The following FOXP1 variants were observed in gnomAD, a reference collection of about 807,000 sequenced individuals.
FOXP1 encodes the protein forkhead box protein P1.
FOXP1 carries 15 observed loss-of-function variants against 98.2 expected under a neutral mutation model. The ratio of observed to expected loss-of-function variants is 0.15; its 90% confidence interval spans 0.10 to 0.24. FOXP1 has a LOEUF of 0.24. Ranked by LOEUF, FOXP1 falls within the 10% of genes least tolerant of loss-of-function variation. FOXP1 has a pLI of 1.00. For missense variants in FOXP1, 633 were observed against 848.5 expected (o/e 0.75, Z 3.15); for synonymous variants, 371 against 314.5 (o/e 1.18, Z -1.90).
At chr3:71,126,337 A>C (rs1464562710) in intron 6 of FOXP1, among the ~76,000 whole-genome samples, 2 of 150,956 alleles carry the variant, frequency 1.3e-5, no homozygotes, top group Non-Finnish European at 3.0e-5. Context: ...ACAAAAAAAA[A>C]AATTAGCCAG....
chr3:71,229,006 T>C (rs1029747927), intron 5 of FOXP1, among the ~76,000 whole-genome samples: 1 of 151,848 alleles, frequency 6.6e-6, no homozygotes, highest in Non-Finnish European at 1.5e-5. Context: ...TAAAGGTTAT[T>C]GGTTTAATGA....
intron 6 of FOXP1, among the ~76,000 whole-genome samples, chr3:71,138,431 T>C (rs539143406): frequency 6.6e-6 from 1 of 152,266 alleles, no homozygotes; most frequent in East Asian, 1.9e-4. Context: ...GATACATGAA[T>C]TAGTTTTTAA....
chr3:71,103,488 G>A (rs2057153943), intron 7 of FOXP1, among the ~76,000 whole-genome samples: 5 of 152,182 alleles, frequency 3.3e-5, no homozygotes, highest in Admixed American at 3.3e-4. Context: ...TGGTCAGCTG[G>A]CTTTCCTGAC....
intron 7 of FOXP1, among the ~76,000 whole-genome samples, chr3:71,090,917 C>A (rs1236436881): frequency 6.6e-6 from 1 of 152,132 alleles, no homozygotes; most frequent in African/African-American, 2.4e-5. Context: ...ACAACTGCCA[C>A]TCTCTGCCCA....
chr3:71,460,369 A>C (rs917202017), intron 3 of FOXP1, among the ~76,000 whole-genome samples: 1 of 151,912 alleles, frequency 6.6e-6, no homozygotes, highest in Non-Finnish European at 1.5e-5. Context: ...CCTCTCGAGT[A>C]GCTGGTGACA....
intron 12 of FOXP1, among the ~76,000 whole-genome samples, chr3:71,003,350 C>T (rs1197436111): frequency 1.3e-5 from 2 of 152,066 alleles, no homozygotes; most frequent in African/African-American, 2.4e-5. Flanking sequence ...TGGATTAACA[C>T]ATATGGTGAT....
chr3:71,020,743 C>G (rs186493176), intron 11 of FOXP1, among the ~76,000 whole-genome samples: 97 of 152,298 alleles, frequency 6.4e-4, no homozygotes, highest in African/African-American at 2.1e-3. Context: ...TGCACTGACC[C>G]AAGTTCTCAT....
chr3:71,548,086 T>A (rs2045501689), intron 2 of FOXP1, among the ~76,000 whole-genome samples: 1 of 152,186 alleles, frequency 6.6e-6, no homozygotes, highest in African/African-American at 2.4e-5. Flanking sequence ...TGGGGCCTCA[T>A]TCTTTGTCTC....
In FOXP1 at chr3:71,414,279, C is replaced by T. The variant is rs144457941; in HGVS notation, c.-167-55035G>A. Among the ~76,000 whole-genome samples, 79 of 152,298 alleles carry T rather than the reference C, an allele frequency of 5.2e-4. No homozygotes were observed. The East Asian group carries it at 0.014, about 27-fold the overall frequency. On this transcript the variant is annotated intron_variant, in intron 3 of 20. Coordinates refer to ENST00000649528, the MANE Select transcript of FOXP1 (RefSeq NM_001349338.3). ...TGGCCAGCCGTCATAAAGAATCCAC[C>T]GCATCAGGTTCCCAGTGCAACAAGG... is the stretch of plus-strand genomic sequence containing the variant.
chr3:71,260,663 C>CTTCCAAGTA (rs2069051725), intron 5 of FOXP1, among the ~76,000 whole-genome samples: 1 of 151,942 alleles, frequency 6.6e-6, no homozygotes, highest in Non-Finnish European at 1.5e-5. Flanking sequence ...CTGCCCCAGC[C>CTTCCAAGTA]TTCCAAGTAG....
intron 5 of FOXP1, among the ~76,000 whole-genome samples, chr3:71,223,648 T>C (rs1362922757): frequency 6.8e-6 from 1 of 147,274 alleles, no homozygotes; most frequent in Admixed American, 6.9e-5. Flanking sequence ...TGAGTAGAGA[T>C]TGCACCACCG....
intron 6 of FOXP1, among the ~76,000 whole-genome samples, chr3:71,138,003 A>T (rs1013072233): frequency 2.0e-5 from 3 of 152,072 alleles, no homozygotes. Context: ...AGATATATTT[A>T]TCTTTTCACA....
chr3:71,487,864 C>T (rs572317290), intron 3 of FOXP1, among the ~76,000 whole-genome samples: 342 of 152,262 alleles, frequency 2.2e-3, no homozygotes, highest in African/African-American at 8.0e-3. Flanking sequence ...AAAGTTGGAT[C>T]ATATTCTCAT....
At chr3:71,027,710 CAT>C (rs960082255) in intron 11 of FOXP1, among the ~76,000 whole-genome samples, 3 of 152,134 alleles carry the variant, frequency 2.0e-5, no homozygotes, top group Non-Finnish European at 4.4e-5. Context: ...TCTGTATACA[CAT>C]ATTAATATTA....
chr3:71,510,137 C>T (rs1424415781), intron 2 of FOXP1, among the ~76,000 whole-genome samples: 4 of 151,174 alleles, frequency 2.6e-5, no homozygotes, highest in South Asian at 4.2e-4. Context: ...GCCGAGATTG[C>T]GCCATTGCAC....
chr3:71,489,096 T>C (rs1215476355), intron 3 of FOXP1, among the ~76,000 whole-genome samples: 2 of 152,066 alleles, frequency 1.3e-5, no homozygotes, highest in Non-Finnish European at 2.9e-5. Context: ...TTCTGGAAGC[T>C]GCGCCACCAC....
At chr3:71,308,311 A>G (rs1284947824) in intron 4 of FOXP1, among the ~76,000 whole-genome samples, 3 of 152,206 alleles carry the variant, frequency 2.0e-5, no homozygotes, top group Non-Finnish European at 4.4e-5. Flanking sequence ...TATGCACTTC[A>G]TCTCGGCGGA....
At chr3:71,080,676 TG>T (rs1221722670) in intron 7 of FOXP1, among the ~76,000 whole-genome samples, 6 of 152,260 alleles carry the variant, frequency 3.9e-5, no homozygotes, top group Non-Finnish European at 7.3e-5. Context: ...CACTGTCCTT[TG>T]GAACACTTCA....
At chr3:71,499,406 C>T (rs774289617) in intron 2 of FOXP1, among the ~76,000 whole-genome samples, 9 of 152,238 alleles carry the variant, frequency 5.9e-5, no homozygotes, top group Non-Finnish European at 1.2e-4. Context: ...TATACACACA[C>T]ATAATATACG....
Sources: allele counts gnomAD v4.1 joint callset (sites outside exome capture counted in the v4.1 genomes callset), GRCh38; gene constraint gnomAD v4.1.1; transcripts MANE v1.5; gene names NCBI Gene and HGNC (gene_info 2026-07-23, HGNC 2026-07-21).